SNAP29: variants seen among roughly 807,000 people sequenced by gnomAD.
SNAP29 encodes synaptosome associated protein 29.
SNAP29 carries 13 observed loss-of-function variants against 27.9 expected under a neutral mutation model. That is an observed-to-expected ratio of 0.47 (90% confidence interval 0.30 to 0.74). The LOEUF is 0.74. Ranked by LOEUF, SNAP29 falls within the 30% of genes least tolerant of loss-of-function variation. The probability of loss-of-function intolerance (pLI) is 0.06; values close to 1 mark genes in which losing one functional copy is unlikely to be tolerated. For missense variants in SNAP29, 368 were observed against 336.5 expected (o/e 1.09, Z -0.73); for synonymous variants, 119 against 127.1 (o/e 0.94, Z 0.43).
intron 2 of SNAP29, among the ~76,000 whole-genome samples, chr22:20,872,910 A>C (rs1928632933): frequency 1.5e-5 from 2 of 132,924 alleles, no homozygotes; most frequent in African/African-American, 3.0e-5. Context: ...GCTCACTGAA[A>C]CCTCTGTCTC....
In SNAP29 at chr22:20,889,674, T is replaced by G. The variant is rs564562266; in HGVS notation, c.*1838T>G. The stretch of plus-strand genomic sequence containing the variant: ...CACGGTTCCACTTACTGTAATTGTT[T>G]CTGGTTCTTTCCTCTAACACCTTCC... On this transcript the variant is annotated 3_prime_UTR_variant, in exon 5 of 5. Coordinates refer to ENST00000215730, the MANE Select transcript of SNAP29 (RefSeq NM_004782.4). 5.9e-5 allele frequency: 9 copies of G among 152,242 alleles called. No homozygotes were observed. Among genetic ancestry groups the G allele is most frequent in the Non-Finnish European group, 8.8e-5 (6 of 68,056 alleles). The allele number at this position is 152,242 out of a possible 1,614,324, so 9.4% of individuals were successfully genotyped here. A position where few individuals can be genotyped will look rare whatever the true frequency, so the allele number is the denominator to read the frequency against.
intron 2 of SNAP29, chr22:20,871,162 C>T (rs544622376): frequency 1.3e-5 from 2 of 153,618 alleles, no homozygotes; most frequent in Non-Finnish European, 2.9e-5. Flanking sequence ...CTAAATTTGT[C>T]ATATCTAATC....
intron 4 of SNAP29, 63 bp downstream of exon 4, chr22:20,883,632 A>G: frequency 9.6e-7 from 1 of 1,039,900 alleles, no homozygotes; most frequent in South Asian, 1.3e-5. Context: ...TACGCCAAGC[A>G]TAGCCCCTGC....
chr22:20,863,621 T>C (rs1488000810), intron 1 of SNAP29, among the ~76,000 whole-genome samples: 1 of 152,138 alleles, frequency 6.6e-6, no homozygotes, highest in East Asian at 1.9e-4. Context: ...ACAGGGAGAC[T>C]TGTAAGCCAC....
chr22:20,883,989 C>G (rs939799254), intron 4 of SNAP29, among the ~76,000 whole-genome samples: 2 of 152,154 alleles, frequency 1.3e-5, no homozygotes, highest in African/African-American at 4.8e-5. Flanking sequence ...GCTCGTGTTG[C>G]AATTGGCACT....
rs1166402915 is a variant in SNAP29, at chr22:20,888,715, T to A, written c.*879T>A. On this transcript the variant is annotated 3_prime_UTR_variant, in exon 5 of 5. Coordinates refer to ENST00000215730, the MANE Select transcript of SNAP29 (RefSeq NM_004782.4). ...CACAGATGCAGCTGCACAATGGTCTTCCTCCACCCCTCTGGGAATCACCAT... is the reference window on the plus strand; with the variant it reads ...CACAGATGCAGCTGCACAATGGTCTACCTCCACCCCTCTGGGAATCACCAT... 3 of 152,284 alleles carry A rather than the reference T, an allele frequency of 2.0e-5. No individual in the cohort carries two copies. Among genetic ancestry groups the A allele is most frequent in the African/African-American group, 7.2e-5 (3 of 41,448 alleles). The allele number at this position is 152,284 out of a possible 1,614,324, so 9.4% of individuals were successfully genotyped here.
At chr22:20,863,926 C>T (rs1928396444) in intron 1 of SNAP29, among the ~76,000 whole-genome samples, 1 of 152,018 alleles carries the variant, frequency 6.6e-6, no homozygotes, top group Non-Finnish European at 1.5e-5. Context: ...TTGTTCCACA[C>T]TAGTATGTAA....
intron 2 of SNAP29, among the ~76,000 whole-genome samples, chr22:20,877,082 C>A (rs1222215530): frequency 6.6e-6 from 1 of 152,188 alleles, no homozygotes; most frequent in African/African-American, 2.4e-5. Flanking sequence ...AGGAACCACC[C>A]TCTCTTAAAC....
At chr22:20,877,284 C>T (rs747909498) in intron 2 of SNAP29, among the ~76,000 whole-genome samples, 1 of 151,848 alleles carries the variant, frequency 6.6e-6, no homozygotes, top group Non-Finnish European at 1.5e-5. Context: ...AGGCCTGGCA[C>T]GGTGGCTCAC....
chr22:20,880,431 G>A (rs1045136783), intron 2 of SNAP29, among the ~76,000 whole-genome samples: 6 of 151,498 alleles, frequency 4.0e-5, no homozygotes, highest in African/African-American at 7.3e-5. Context: ...ACTTGAACCC[G>A]AGAGGCAGAG....
chr22:20,862,065 C>T (rs540162328), intron 1 of SNAP29, among the ~76,000 whole-genome samples: 8 of 152,310 alleles, frequency 5.3e-5, no homozygotes, highest in South Asian at 2.1e-4. Flanking sequence ...CCACTGCGCC[C>T]GGTCCTAACC....
intron 3 of SNAP29, among the ~76,000 whole-genome samples, 160 bp downstream of exon 3, chr22:20,881,294 C>T (rs1162152538): frequency 2.0e-5 from 3 of 152,192 alleles, no homozygotes; most frequent in Non-Finnish European, 4.4e-5. Flanking sequence ...TTAGGGACCC[C>T]GCATGCTCTT....
chr22:20,875,390 C>T (rs1016924586), intron 2 of SNAP29, among the ~76,000 whole-genome samples: 1 of 152,214 alleles, frequency 6.6e-6, no homozygotes, highest in Non-Finnish European at 1.5e-5. Flanking sequence ...CTTTCACCCA[C>T]ACTCTGCAGT....
At chr22:20,869,288 G>A (rs893454760) in intron 1 of SNAP29, among the ~76,000 whole-genome samples, 1 of 152,142 alleles carries the variant, frequency 6.6e-6, no homozygotes, top group African/African-American at 2.4e-5. Flanking sequence ...GAGAAGAGGG[G>A]TAGTGGTTGG....
chr22:20,869,682 G>A (rs1396742982), intron 1 of SNAP29, among the ~76,000 whole-genome samples: 1 of 152,210 alleles, frequency 6.6e-6, no homozygotes, highest in East Asian at 1.9e-4. Flanking sequence ...GGCCCAACCT[G>A]TGAGGGTTCC....
chr22:20,882,148 G>C (rs1226354484), intron 3 of SNAP29, among the ~76,000 whole-genome samples: 1 of 151,796 alleles, frequency 6.6e-6, no homozygotes, highest in Non-Finnish European at 1.5e-5. Flanking sequence ...CAGAAGGAGT[G>C]CAACCCTGAG....
At chr22:20,870,969 C>A in intron 2 of SNAP29, 1 of 296,078 alleles carries the variant, frequency 3.4e-6, no homozygotes, top group Non-Finnish European at 6.6e-6. Context: ...GGAACCCAGT[C>A]TTTACAAAAA....
intron 1 of SNAP29, among the ~76,000 whole-genome samples, chr22:20,865,794 C>G (rs1323539046): frequency 6.6e-6 from 1 of 152,232 alleles, no homozygotes; most frequent in Non-Finnish European, 1.5e-5. Context: ...GTTGTCCTCT[C>G]CCCATGGAGT....
At chr22:20,882,391 G>T (rs1259504014) in intron 3 of SNAP29, among the ~76,000 whole-genome samples, 1 of 151,982 alleles carries the variant, frequency 6.6e-6, no homozygotes, top group African/African-American at 2.4e-5. Flanking sequence ...GGAATTTAGG[G>T]CTCCTGGGGC....
Sources: allele counts gnomAD v4.1 joint callset (sites outside exome capture counted in the v4.1 genomes callset), GRCh38; gene constraint gnomAD v4.1.1; transcripts MANE v1.5; gene names NCBI Gene and HGNC (gene_info 2026-07-23, HGNC 2026-07-21).